Variants in KDM5D observed in about 807,000 individuals in gnomAD.
KDM5D encodes the protein lysine demethylase 5D.
A neutral mutation model predicts 31.9 loss-of-function variants in KDM5D; 25 were observed. The ratio of observed to expected loss-of-function variants is 0.78; its 90% CI spans 0.57 to 1.09. The LOEUF is 1.09. Among genes scored for constraint, KDM5D ranks in the 50% least tolerant of loss-of-function variants. The pLI, the probability that KDM5D is intolerant of heterozygous loss-of-function variation, is 0.00. For synonymous variants in KDM5D, 146 were observed against 122.3 expected (o/e 1.19, Z -1.28); for missense variants, 366 against 341.6 (o/e 1.07, Z -0.56).
intron 11 of KDM5D, chrY:19,723,575 T>C: frequency 2.0e-5 from 1 of 49,550 alleles, no homozygotes; most frequent in Admixed American, 2.3e-4. Context: ...TGAGGGGTGT[T>C]TGAGCTCAGA....
In KDM5D at chrY:19,706,432, G is replaced by A. The variant is rs754845941; in HGVS notation, c.4269+9C>T. On this transcript the variant is annotated intron_variant, in intron 26 of 26. Coordinates refer to ENST00000317961, the MANE Select transcript of KDM5D (RefSeq NM_004653.5). Reference sequence around the variant, plus strand: ...GATCTCCTGCCCTGCCTGTGACCCCGCTTCCTACCTCCAGAAGTGTGCGAA... The same window carrying A: ...GATCTCCTGCCCTGCCTGTGACCCCACTTCCTACCTCCAGAAGTGTGCGAA... 5 of 396,461 alleles carry A rather than the reference G, an allele frequency of 1.3e-5. No individual in the cohort carries two copies. The highest frequency in any genetic ancestry group is 6.2e-5 in the African/African-American group (1 of 16,138).
At chrY:19,710,061 G>C (rs2045284593) in intron 19 of KDM5D, 1 of 350,235 alleles carries the variant, frequency 2.9e-6, no homozygotes, top group South Asian at 3.5e-5. Flanking sequence ...CATCTAGTAA[G>C]CTTTCTAAGA....
intron 15 of KDM5D, 93 bp from the exon 16 acceptor site, chrY:19,716,097 A>G: frequency 3.9e-6 from 1 of 258,609 alleles, no homozygotes; most frequent in Non-Finnish European, 6.1e-6. Context: ...TGTGGACTCA[A>G]CCTTGTAAGG....
At chrY:19,715,554 G>C in intron 17 of KDM5D, 55 bp from the exon 18 acceptor site, 7 of 397,830 alleles carry the variant, frequency 1.8e-5, no homozygotes. Flanking sequence ...GGAAGGTTGA[G>C]AATACCCAAA....
chrY:19,718,447 G>T, intron 13 of KDM5D, among the ~76,000 whole-genome samples: 1 of 34,448 alleles, frequency 2.9e-5, no homozygotes, highest in African/African-American at 1.1e-4. Context: ...AGATACAAAA[G>T]ATCACATATT....
chrY:19,708,192 A>C, intron 22 of KDM5D, 52 bp downstream of exon 22: 1 of 377,125 alleles, frequency 2.7e-6, no homozygotes, highest in African/African-American at 6.5e-5. Flanking sequence ...GCCATCTCAC[A>C]GCAGCCAGGC....
At chrY:19,719,572 G>T in intron 13 of KDM5D, among the ~76,000 whole-genome samples, 1 of 33,325 alleles carries the variant, frequency 3.0e-5, no homozygotes, top group South Asian at 6.8e-4. Flanking sequence ...ACCATCAAGT[G>T]CACCCATATA....
At position 19,739,655 on chromosome Y, in the gene KDM5D, T is replaced by C; in HGVS notation, c.530A>G (p.Asn177Ser). The C allele has an allele frequency of 2.6e-6, 1 of 389,874 alleles. No individual in the cohort carries two copies. Among genetic ancestry groups the C allele is most frequent in the East Asian group, 9.3e-5 (1 of 10,743 alleles). ...FQSGANHVQC[N>S]THPFDNEVKD... ...TACCTCATTGTCAAACGGGTGTGTG[T>C]TACATTGCTAGAGAGAAAAAAATAT... Residue 177 changes from asparagine (N) to serine (S), a missense_variant, in exon 6 of 27, where the codon AAC becomes AGC. Coordinates refer to ENST00000317961, the MANE Select transcript of KDM5D (RefSeq NM_004653.5).
chrY:19,716,764 C>A, intron 13 of KDM5D, 49 bp from the exon 14 acceptor site: 1 of 374,464 alleles, frequency 2.7e-6, no homozygotes, highest in Non-Finnish European at 3.8e-6. Context: ...AACTAATGGG[C>A]CAGATGTGAA....
intron 13 of KDM5D, among the ~76,000 whole-genome samples, chrY:19,718,760 A>G (rs2045366983): frequency 5.8e-5 from 2 of 34,351 alleles, no homozygotes; most frequent in Admixed American, 2.6e-4. Context: ...ACTATTGTAC[A>G]TAAAAGCAAC....
At chrY:19,729,022 G>A in intron 11 of KDM5D, among the ~76,000 whole-genome samples, 1 of 31,169 alleles carries the variant, frequency 3.2e-5, no homozygotes, top group East Asian at 8.6e-4. Context: ...GACCAGCCTG[G>A]CTAACATGGC....
intron 11 of KDM5D, chrY:19,722,570 T>C: frequency 3.1e-5 from 1 of 32,066 alleles, no homozygotes; most frequent in East Asian, 8.0e-4. Flanking sequence ...TTCTGCATAA[T>C]GAAGGAAACA....
chrY:19,730,736 CTACGCTA>C, intron 11 of KDM5D, among the ~76,000 whole-genome samples: 1 of 33,290 alleles, frequency 3.0e-5, no homozygotes, highest in South Asian at 6.7e-4. Context: ...TACTACATAC[CTACGCTA>C]TATGGTATAT....
At position 19,735,776 on chromosome Y, in the gene KDM5D, G is replaced by A. The variant is rs748162063; in HGVS notation, c.658-26C>T. ...CTGTTTTAAAAAAGATTCAAACAACGAAGTTAGCTTTACTTATGCAGGTAT... is the reference window on the plus strand; with the variant it reads ...CTGTTTTAAAAAAGATTCAAACAACAAAGTTAGCTTTACTTATGCAGGTAT... On this transcript the variant is annotated intron_variant, in intron 6 of 26. Transcript: ENST00000317961. 2.7e-5 allele frequency: 9 copies of A among 336,335 alleles called. No individual in the cohort carries two copies. The African/African-American group carries it at 3.4e-4, about 13-fold the overall frequency. The allele number at this position is 336,335 out of a possible 400,897, so 83.9% of individuals were successfully genotyped here. A position where few individuals can be genotyped will look rare whatever the true frequency, so the allele number is the denominator to read the frequency against.
chrY:19,741,178 G>T, intron 5 of KDM5D, 140 bp downstream of exon 5: 1 of 157,118 alleles, frequency 6.4e-6, no homozygotes, highest in Non-Finnish European at 1.1e-5. Context: ...TATTTTCTAG[G>T]GCCAATTCCT....
intron 18 of KDM5D, 159 bp downstream of exon 18, chrY:19,715,193 G>C: frequency 1.1e-5 from 2 of 178,530 alleles, no homozygotes; most frequent in African/African-American, 1.6e-4. Flanking sequence ...CCAGGCTGGA[G>C]TGCAATGATG....
In KDM5D at chrY:19,744,538, G is replaced by A; in HGVS notation, c.-4C>T. On this transcript the variant is annotated 5_prime_UTR_variant, in exon 2 of 27. Coordinates refer to ENST00000317961, the MANE Select transcript of KDM5D (RefSeq NM_004653.5). ...ACTCGTCACACCCCGGTTCCATGTC[G>A]GGCCTTAATGCTAAGCTGTAAAATA... The A allele has an allele frequency of 2.6e-6, 1 of 390,835 alleles. No homozygotes were observed. Among genetic ancestry groups the A allele is most frequent in the African/African-American group, 6.2e-5 (1 of 16,008 alleles).
chrY:19,744,712 T>C lies in KDM5D; in HGVS notation c.-61A>G. The stretch of plus-strand genomic sequence containing the variant: ...TAGTTTTACAGCCACCATCTTGACC[T>C]CCGGGCCCTGCAGTGTGGTACGAGC... On this transcript the variant is annotated 5_prime_UTR_variant, in exon 1 of 27. Transcript: ENST00000317961. 1 of 137,442 alleles carries C rather than the reference T, an allele frequency of 7.3e-6. No homozygotes were observed. Among genetic ancestry groups the C allele is most frequent in the Non-Finnish European group, 1.3e-5 (1 of 74,320 alleles). The allele number at this position is 137,442 out of a possible 400,897, so 34.3% of individuals were successfully genotyped here. A position where few individuals can be genotyped will look rare whatever the true frequency, so the allele number is the denominator to read the frequency against.
intron 19 of KDM5D, chrY:19,710,147 T>A (rs2045285076): frequency 2.8e-6 from 1 of 360,570 alleles, no homozygotes; most frequent in Non-Finnish European, 3.8e-6. Flanking sequence ...CAGTGTCTTA[T>A]GTAGGCCCAG....
Sources: gnomAD v4.1 joint callset for allele counts (sites outside exome capture counted in the v4.1 genomes callset) on GRCh38, gnomAD v4.1.1 for gene constraint, MANE v1.5 for transcripts, NCBI Gene and HGNC (gene_info 2026-07-23, HGNC 2026-07-21) for gene names.